Variants in C3orf49 observed in about 807,000 individuals in gnomAD.
C3orf49 encodes the protein putative uncharacterized protein C3orf49.
C3orf49 carries 27 observed loss-of-function variants against 13.3 expected under a neutral mutation model. That is an observed-to-expected ratio of 2.02 (90% confidence interval 1.49 to 2.79). C3orf49 has a LOEUF of 2.79. Among genes scored for constraint, C3orf49 ranks in the 30% most tolerant of loss-of-function variants. C3orf49 has a pLI of 0.00. For synonymous variants in C3orf49, 87 were observed against 47.6 expected (o/e 1.83, Z -3.40); for missense variants, 242 against 134.2 (o/e 1.80, Z -3.97).
the C3orf49 span, among the ~76,000 whole-genome samples, chr3:63,805,617 C>T: frequency 2.0e-5 from 3 of 152,204 alleles, no homozygotes; most frequent in Non-Finnish European, 4.4e-5. Context: ...AAACAAATGC[C>T]CTAAATAGAT....
At chr3:63,831,376 G>C (rs1701530112) in intron 4 of C3orf49, among the ~76,000 whole-genome samples, 153 bp downstream of exon 4, 1 of 152,130 alleles carries the variant, frequency 6.6e-6, no homozygotes, top group African/African-American at 2.4e-5. Flanking sequence ...TCTGAAAGTG[G>C]CTAAAGGATT....
chr3:63,817,572 C>T (rs1482990734), upstream of C3orf49, among the ~76,000 whole-genome samples: 2 of 152,042 alleles, frequency 1.3e-5, no homozygotes, highest in African/African-American at 2.4e-5. Context: ...TCGTTACCCG[C>T]CCAAGGACCC....
chr3:63,808,097 C>T, the C3orf49 span, among the ~76,000 whole-genome samples: 4 of 152,030 alleles, frequency 2.6e-5, no homozygotes, highest in Non-Finnish European at 5.9e-5. Context: ...TCTCACTGGA[C>T]AAATGACAAC....
the C3orf49 span, among the ~76,000 whole-genome samples, chr3:63,814,265 C>G: frequency 6.6e-6 from 1 of 152,102 alleles, no homozygotes; most frequent in African/African-American, 2.4e-5. Flanking sequence ...ATATGGCCTG[C>G]AGATCACATT....
the C3orf49 span, chr3:63,786,966 A>G: frequency 2.4e-4 from 36 of 152,220 alleles, no homozygotes; most frequent in African/African-American, 5.5e-4. Flanking sequence ...GCAAAAATCC[A>G]TAAGAGAATT....
rs185918442 is a variant in C3orf49, at chr3:63,844,700, A to G, written c.850-323A>G. Among the ~76,000 whole-genome samples, 382 of 152,284 alleles carry G rather than the reference A, an allele frequency of 2.5e-3. 2 individuals carry two copies. The highest frequency in any genetic ancestry group is 8.9e-3 in the African/African-American group (371 of 41,554). On this transcript the variant is annotated intron_variant, in intron 5 of 6. Coordinates refer to ENST00000295896, the MANE Select transcript of C3orf49 (RefSeq NM_001355236.2). ...GAGTTCAGCTCCATTTCTTTTCTCC[A>G]TCTCACACTCTCCTTTGCCATGTGA...
chr3:63,847,266 AC>A (rs1318081602), intron 6 of C3orf49, among the ~76,000 whole-genome samples: 1 of 152,242 alleles, frequency 6.6e-6, no homozygotes, highest in African/African-American at 2.4e-5. Flanking sequence ...TTGAAAAATA[AC>A]CAAATTTCCT....
chr3:63,823,176 G>C, intron 1 of C3orf49, 74 bp from the exon 2 acceptor site: 1 of 590,282 alleles, frequency 1.7e-6, no homozygotes, highest in Non-Finnish European at 3.0e-6. Flanking sequence ...TTTGAAGTTT[G>C]TGTTTTAATG....
At chr3:63,813,138 T>A in the C3orf49 span, among the ~76,000 whole-genome samples, 384 of 152,358 alleles carry the variant, frequency 2.5e-3, 2 homozygotes, top group African/African-American at 9.0e-3. Context: ...ATACCCATAG[T>A]ATGCATGAAG....
At chr3:63,844,047 A>G (rs928272726) in intron 5 of C3orf49, among the ~76,000 whole-genome samples, 1 of 152,240 alleles carries the variant, frequency 6.6e-6, no homozygotes, top group African/African-American at 2.4e-5. Context: ...CTGTCATTTC[A>G]ACTACATGGA....
the C3orf49 span, among the ~76,000 whole-genome samples, chr3:63,810,868 A>G: frequency 6.6e-6 from 1 of 152,300 alleles, no homozygotes; most frequent in Non-Finnish European, 1.5e-5. Flanking sequence ...TTTGTTTGAG[A>G]CAGAGTCTCA....
At chr3:63,839,711 T>A in intron 5 of C3orf49, 1 of 1,612,906 alleles carries the variant, frequency 6.2e-7, no homozygotes, top group Non-Finnish European at 8.5e-7. Context: ...ACTAGCAGAT[T>A]AATTCTCCGA....
chr3:63,781,974 G>A, the C3orf49 span, among the ~76,000 whole-genome samples: 3 of 152,196 alleles, frequency 2.0e-5, no homozygotes, highest in Non-Finnish European at 4.4e-5. Flanking sequence ...GGCTGAGAGA[G>A]GATTTGACCC....
chr3:63,795,945 TA>T, the C3orf49 span, among the ~76,000 whole-genome samples: 1 of 152,142 alleles, frequency 6.6e-6, no homozygotes, highest in South Asian at 2.1e-4. Flanking sequence ...CCAACGTGTT[TA>T]GGGGGAAAGG....
the C3orf49 span, among the ~76,000 whole-genome samples, chr3:63,798,480 A>C: frequency 1.3e-5 from 2 of 152,158 alleles, no homozygotes; most frequent in Admixed American, 1.3e-4. Flanking sequence ...AGCATCTACT[A>C]CAGGGATTAA....
chr3:63,807,624 G>T, the C3orf49 span, among the ~76,000 whole-genome samples: 1 of 152,002 alleles, frequency 6.6e-6, no homozygotes, highest in Admixed American at 6.5e-5. Context: ...GCAAGGTCGA[G>T]ACCAGTGGAT....
chr3:63,789,615 G>C, the C3orf49 span, among the ~76,000 whole-genome samples: 1 of 151,712 alleles, frequency 6.6e-6, no homozygotes, highest in East Asian at 2.0e-4. Flanking sequence ...GTTCAAGACC[G>C]TCCTGGCCAA....
chr3:63,780,252 G>C, the C3orf49 span, among the ~76,000 whole-genome samples: 5 of 151,964 alleles, frequency 3.3e-5, no homozygotes, highest in African/African-American at 1.2e-4. Flanking sequence ...TTGGTTTTTT[G>C]TCCTTGCGAT....
the C3orf49 span, among the ~76,000 whole-genome samples, chr3:63,796,192 C>T: frequency 5.3e-5 from 8 of 152,056 alleles, no homozygotes; most frequent in Admixed American, 3.9e-4. Flanking sequence ...AATAACTTCT[C>T]ATCACCCCAA....
Sources: allele counts gnomAD v4.1 joint callset (sites outside exome capture counted in the v4.1 genomes callset), GRCh38; gene constraint gnomAD v4.1.1; transcripts MANE v1.5; gene names NCBI Gene and HGNC (gene_info 2026-07-23, HGNC 2026-07-21).